The following GRK5 variants were observed in gnomAD, a reference collection of about 807,000 sequenced individuals.
GRK5 encodes g protein-coupled receptor kinase GRK5.
Under a neutral mutation model 78.4 loss-of-function variants are expected in GRK5, and 40 were observed. The observed-to-expected ratio is 0.51, with a 90% CI of 0.40 to 0.66. The LOEUF is 0.66. Ranked by LOEUF, GRK5 falls within the 30% of genes least tolerant of loss-of-function variation. The probability of loss-of-function intolerance (pLI) is 0.00; values close to 1 mark genes in which losing one functional copy is unlikely to be tolerated. For synonymous variants in GRK5, 289 were observed against 296.8 expected (o/e 0.97, Z 0.27); for missense variants, 598 against 759.9 (o/e 0.79, Z 2.50).
chr10:119,245,192 C>A (rs1246012346), intron 1 of GRK5, among the ~76,000 whole-genome samples: 1 of 152,078 alleles, frequency 6.6e-6, no homozygotes, highest in Non-Finnish European at 1.5e-5. Context: ...GCAGAAGAAT[C>A]TCTTGAACCC....
At chr10:119,435,903 C>G (rs1473875593) in intron 8 of GRK5, among the ~76,000 whole-genome samples, 1 of 152,148 alleles carries the variant, frequency 6.6e-6, no homozygotes, top group East Asian at 1.9e-4. Flanking sequence ...TGGGGAGGCC[C>G]CACAATCATG....
chr10:119,215,751 T>C (rs1314449664), intron 1 of GRK5, among the ~76,000 whole-genome samples: 1 of 152,110 alleles, frequency 6.6e-6, no homozygotes, highest in Non-Finnish European at 1.5e-5. Context: ...GTGCATGATA[T>C]AGATACATAC....
In GRK5 at chr10:119,328,390, T is replaced by C. The variant is rs934222023; in HGVS notation, c.148+1779T>C. Among the ~76,000 whole-genome samples the C allele has an allele frequency of 6.6e-5, 10 of 152,232 alleles. 1 individual carries two copies. The South Asian group carries it at 2.1e-3, about 32-fold the overall frequency. On this transcript the variant is annotated intron_variant, in intron 2 of 15. Coordinates refer to ENST00000392870, the MANE Select transcript of GRK5 (RefSeq NM_005308.3). ...TCCTCATGGGGGACCATTTTGTTCT[T>C]CATGCTAATTTTGGCTCAGAGAGAA...
intron 2 of GRK5, among the ~76,000 whole-genome samples, chr10:119,366,378 A>C (rs2133815483): frequency 6.6e-6 from 1 of 151,906 alleles, no homozygotes; most frequent in Admixed American, 6.5e-5. Flanking sequence ...GGAGAGAGAG[A>C]ATTTACAGCT....
intron 2 of GRK5, among the ~76,000 whole-genome samples, chr10:119,349,866 C>T (rs967835292): frequency 2.6e-5 from 4 of 152,248 alleles, no homozygotes; most frequent in Non-Finnish European, 4.4e-5. Flanking sequence ...TACGTGGGCA[C>T]CTGCCATGGC....
At chr10:119,236,309 G>A (rs111283592) in intron 1 of GRK5, among the ~76,000 whole-genome samples, 1 of 151,600 alleles carries the variant, frequency 6.6e-6, no homozygotes. Context: ...TCCGCCTCCC[G>A]GGTTCACGCC....
chr10:119,436,856 C>T lies in GRK5; in HGVS notation c.929+15C>T, dbSNP rs1852930742. 1 of 1,571,628 alleles carries T rather than the reference C, an allele frequency of 6.4e-7. No individual in the cohort carries two copies. The highest frequency in any genetic ancestry group is 1.4e-5 in the African/African-American group (1 of 74,008). On this transcript the variant is annotated intron_variant, in intron 9 of 15. Transcript: ENST00000392870. ...ACCGTCTACCGGTGAGTGGAAGGCACCAAGGACTTCCAAGTCTAAGTCCGA... is the reference window on the plus strand; with the variant it reads ...ACCGTCTACCGGTGAGTGGAAGGCATCAAGGACTTCCAAGTCTAAGTCCGA...
chr10:119,241,316 A>G (rs1202377612), intron 1 of GRK5, among the ~76,000 whole-genome samples: 2 of 152,102 alleles, frequency 1.3e-5, no homozygotes, highest in East Asian at 3.9e-4. Flanking sequence ...GCAAAAGGGG[A>G]AAGTGACCCT....
chr10:119,394,718 G>T (rs114197619), intron 3 of GRK5, among the ~76,000 whole-genome samples: 720 of 22,778 alleles, frequency 0.032, 89 homozygotes, highest in Admixed American at 0.11. Context: ...TGTGTGTGTG[G>T]GGGCACGTGT....
At chr10:119,337,089 C>T (rs1168049035) in intron 2 of GRK5, among the ~76,000 whole-genome samples, 2 of 152,180 alleles carry the variant, frequency 1.3e-5, no homozygotes, top group East Asian at 3.9e-4. Context: ...TCAAAGACTG[C>T]TCTGCAGGGA....
At chr10:119,326,698 C>T (rs1490296283) in intron 2 of GRK5, 87 bp downstream of exon 2, 11 of 987,740 alleles carry the variant, frequency 1.1e-5, no homozygotes, top group Admixed American at 1.9e-5. Context: ...ATGGGTGAGC[C>T]GCCAAGCTGT....
chr10:119,245,092 A>G (rs750523846), intron 1 of GRK5, among the ~76,000 whole-genome samples: 1 of 152,152 alleles, frequency 6.6e-6, no homozygotes, highest in Non-Finnish European at 1.5e-5. Flanking sequence ...CCTGGCCAAC[A>G]TGGTGAAATC....
At chr10:119,386,875 G>A (rs549597612) in intron 3 of GRK5, among the ~76,000 whole-genome samples, 1 of 152,350 alleles carries the variant, frequency 6.6e-6, no homozygotes, top group East Asian at 1.9e-4. Context: ...GGTGCTGCCT[G>A]ACTCGGCCAG....
chr10:119,292,256 C>T (rs1306100819), intron 1 of GRK5, among the ~76,000 whole-genome samples: 2 of 149,540 alleles, frequency 1.3e-5, no homozygotes, highest in African/African-American at 4.9e-5. Flanking sequence ...TTCCCCTCCT[C>T]TTCCTCTTCC....
chr10:119,266,887 G>A (rs1439174660), intron 1 of GRK5, among the ~76,000 whole-genome samples: 1 of 151,506 alleles, frequency 6.6e-6, no homozygotes, highest in Non-Finnish European at 1.5e-5. Flanking sequence ...TGATTCTTCT[G>A]CCTCAGCCTC....
intron 4 of GRK5, among the ~76,000 whole-genome samples, chr10:119,406,714 C>T (rs978925165): frequency 2.0e-5 from 3 of 152,226 alleles, no homozygotes; most frequent in South Asian, 2.1e-4. Flanking sequence ...CACAGCCTTG[C>T]GTACAGGCTG....
intron 4 of GRK5, among the ~76,000 whole-genome samples, chr10:119,419,116 C>G (rs899515127): frequency 1.3e-5 from 2 of 152,182 alleles, no homozygotes; most frequent in Admixed American, 6.5e-5. Flanking sequence ...GGGTTCCCCC[C>G]TCTCCCTTCT....
intron 3 of GRK5, among the ~76,000 whole-genome samples, chr10:119,385,820 G>A (rs899068258): frequency 6.6e-6 from 1 of 152,054 alleles, no homozygotes; most frequent in South Asian, 2.1e-4. Context: ...GGAGATGGGT[G>A]TTCAAGCCAG....
chr10:119,365,016 G>A (rs965778306), intron 2 of GRK5, among the ~76,000 whole-genome samples: 1 of 151,998 alleles, frequency 6.6e-6, no homozygotes, highest in Non-Finnish European at 1.5e-5. Flanking sequence ...CAGGTTTAGC[G>A]TCAGTTACAG....
Sources: gnomAD v4.1 joint callset for allele counts (sites outside exome capture counted in the v4.1 genomes callset) on GRCh38, gnomAD v4.1.1 for gene constraint, MANE v1.5 for transcripts, NCBI Gene and HGNC (gene_info 2026-07-23, HGNC 2026-07-21) for gene names.